The following ZFP2 variants were observed in gnomAD, a reference collection of about 807,000 sequenced individuals.
ZFP2 encodes zinc finger protein ZFP2.
ZFP2 carries 33 observed loss-of-function variants against 36.1 expected under a neutral mutation model. The observed-to-expected ratio is 0.92, with a 90% CI of 0.69 to 1.22. The LOEUF (loss-of-function observed/expected upper bound fraction) is 1.22. Among genes scored for constraint, ZFP2 ranks in the 50% most tolerant of loss-of-function variants. The pLI is 0.00. For synonymous variants in ZFP2, 170 were observed against 178.0 expected (o/e 0.96, Z 0.36); for missense variants, 522 against 551.4 (o/e 0.95, Z 0.53).
chr5:178,896,668 A>G (rs75239886), intron 1 of ZFP2, among the ~76,000 whole-genome samples: 1 of 152,334 alleles, frequency 6.6e-6, no homozygotes, highest in Non-Finnish European at 1.5e-5. Flanking sequence ...GATTAAAACA[A>G]TCATTCAAAA....
At chr5:178,896,356 C>T (rs528400150) in intron 1 of ZFP2, among the ~76,000 whole-genome samples, 75 of 152,358 alleles carry the variant, frequency 4.9e-4, no homozygotes, top group South Asian at 1.4e-3. Flanking sequence ...GGGTTCCTCC[C>T]TGGCTTTCCC....
chr5:178,908,080 G>T (rs1758201980), intron 1 of ZFP2, among the ~76,000 whole-genome samples: 1 of 152,180 alleles, frequency 6.6e-6, no homozygotes. Flanking sequence ...CTCTCCAAGA[G>T]CTCTAAATCG....
chr5:178,898,329 G>A (rs1361630065), intron 1 of ZFP2, among the ~76,000 whole-genome samples: 4 of 152,154 alleles, frequency 2.6e-5, no homozygotes, highest in African/African-American at 9.7e-5. Context: ...AACTTGGCTG[G>A]GAATGTGTTA....
chr5:178,916,598 C>T lies in ZFP2; in HGVS notation c.-190C>T, dbSNP rs1758436377. On this transcript the variant is annotated 5_prime_UTR_variant, in exon 4 of 5. Transcript: ENST00000361362. ...GGATATTGCTGTCAGATTAATCTGACATTTAGTCCTCTCATTATCCTGTCC... is the reference window on the plus strand; with the variant it reads ...GGATATTGCTGTCAGATTAATCTGATATTTAGTCCTCTCATTATCCTGTCC... 5 of 984,468 alleles carry T rather than the reference C, an allele frequency of 5.1e-6. No individual in the cohort carries two copies. In the South Asian group the frequency reaches 2.4e-4, roughly 46 times the overall value. The allele number at this position is 984,468 out of a possible 1,614,324, so 61.0% of individuals were successfully genotyped here. A position where few individuals can be genotyped will look rare whatever the true frequency, so the allele number is the denominator to read the frequency against.
chr5:178,902,868 T>C (rs931205182), intron 1 of ZFP2, among the ~76,000 whole-genome samples: 40 of 152,232 alleles, frequency 2.6e-4, no homozygotes, highest in Non-Finnish European at 4.6e-4. Context: ...CCTGTTCTAT[T>C]TTTAGCTATT....
chr5:178,905,535 G>GT (rs1758150519), intron 1 of ZFP2, among the ~76,000 whole-genome samples: 1 of 152,070 alleles, frequency 6.6e-6, no homozygotes, highest in Admixed American at 6.5e-5. Flanking sequence ...AACAATAACT[G>GT]TATCAAAAAG....
rs1174950807 is a variant in ZFP2, at chr5:178,932,075, C to T, written c.762C>T (p.Ser254=). 15 of 1,613,800 alleles carry T rather than the reference C, an allele frequency of 9.3e-6. No individual in the cohort carries two copies. Among genetic ancestry groups the T allele is most frequent in the South Asian group, 6.6e-5 (6 of 91,080 alleles). ...AATGTGGAAAAGCCTTCAGTCAAAG[C>T]ATGCATCTTATTGTACATCAGAGAA... is the stretch of plus-strand genomic sequence containing the variant. The part of the protein sequence containing the change: ...CNECGKAFSQ[S]MHLIVHQRSH... Residue 254 remains serine (S), a synonymous_variant, in exon 5 of 5, where the codon AGC becomes AGT. Coordinates refer to ENST00000361362, the MANE Select transcript of ZFP2 (RefSeq NM_030613.4).
intron 4 of ZFP2, among the ~76,000 whole-genome samples, chr5:178,917,196 T>C (rs1758450179): frequency 6.6e-6 from 1 of 152,192 alleles, no homozygotes; most frequent in Non-Finnish European, 1.5e-5. Context: ...AGAACATGAA[T>C]AAAGTACTAT....
At chr5:178,922,029 G>A in intron 4 of ZFP2, 1 of 711,788 alleles carries the variant, frequency 1.4e-6, no homozygotes, top group Non-Finnish European at 2.6e-6. Flanking sequence ...TCCTTCCGCA[G>A]GCAGGAGAGT....
intron 4 of ZFP2, among the ~76,000 whole-genome samples, chr5:178,930,465 C>T (rs997799120): frequency 1.3e-5 from 2 of 151,474 alleles, no homozygotes; most frequent in African/African-American, 2.4e-5. Flanking sequence ...AGACTACAGG[C>T]GCCTGCCACC....
intron 4 of ZFP2, among the ~76,000 whole-genome samples, chr5:178,926,602 C>T (rs1158618581): frequency 5.3e-5 from 8 of 151,990 alleles, no homozygotes; most frequent in African/African-American, 9.7e-5. Flanking sequence ...CTGCAAGCTC[C>T]GCCTCCCAGG....
chr5:178,928,586 C>G (rs1730870991), intron 4 of ZFP2, among the ~76,000 whole-genome samples: 1 of 152,234 alleles, frequency 6.6e-6, no homozygotes, highest in African/African-American at 2.4e-5. Flanking sequence ...CCAGGGCACT[C>G]TGCTGCGAGG....
At position 178,913,168 on chromosome 5, in the gene ZFP2, A is replaced by G. The variant is rs964177137; in HGVS notation, c.-224+97A>G. The stretch of plus-strand genomic sequence containing the variant: ...TCTCTGGAGAGACTAGGGCCACTGG[A>G]TGTGTGTTCTCAGATGACACCTCCG... On this transcript the variant is annotated intron_variant, in intron 3 of 4. Coordinates refer to ENST00000361362, the MANE Select transcript of ZFP2 (RefSeq NM_030613.4). The G allele has an allele frequency of 1.4e-5, 9 of 638,978 alleles. No homozygotes were observed. The African/African-American group carries it at 1.8e-4, about 13-fold the overall frequency. 39.6% of individuals were successfully genotyped at this position (638,978 alleles called of 1,614,324 possible).
intron 1 of ZFP2, among the ~76,000 whole-genome samples, chr5:178,899,916 T>G (rs1012492054): frequency 1.3e-5 from 2 of 152,204 alleles, no homozygotes; most frequent in Non-Finnish European, 2.9e-5. Flanking sequence ...AGAGACCAGT[T>G]TAAAGAAAGC....
chr5:178,928,592 C>T (rs753827628), intron 4 of ZFP2, among the ~76,000 whole-genome samples: 12 of 152,212 alleles, frequency 7.9e-5, no homozygotes, highest in East Asian at 7.7e-4. Context: ...CACTCTGCTG[C>T]GAGGGGTGGA....
chr5:178,899,941 T>C (rs1485944662), intron 1 of ZFP2, among the ~76,000 whole-genome samples: 1 of 152,216 alleles, frequency 6.6e-6, no homozygotes, highest in East Asian at 1.9e-4. Flanking sequence ...TGGAGGCAAG[T>C]ATAAACTGTT....
chr5:178,903,005 G>A (rs1421112465), intron 1 of ZFP2, among the ~76,000 whole-genome samples: 1 of 152,198 alleles, frequency 6.6e-6, no homozygotes, highest in Non-Finnish European at 1.5e-5. Context: ...CTAGACACTT[G>A]ATAGCAGCTG....
intron 4 of ZFP2, among the ~76,000 whole-genome samples, chr5:178,923,424 C>G (rs1161493934): frequency 6.7e-6 from 1 of 149,688 alleles, no homozygotes; most frequent in Non-Finnish European, 1.5e-5. Flanking sequence ...TTTCACTTAG[C>G]ATAATATCTT....
At chr5:178,904,790 C>T (rs1375889401) in intron 1 of ZFP2, among the ~76,000 whole-genome samples, 1 of 148,234 alleles carries the variant, frequency 6.7e-6, no homozygotes, top group Non-Finnish European at 1.5e-5. Context: ...GCAACCTCTG[C>T]CTGCCGGGTT....
Sources: allele counts gnomAD v4.1 joint callset (sites outside exome capture counted in the v4.1 genomes callset), GRCh38; gene constraint gnomAD v4.1.1; transcripts MANE v1.5; gene names NCBI Gene and HGNC (gene_info 2026-07-23, HGNC 2026-07-21).